TRPC3: variants seen among roughly 807,000 people sequenced by gnomAD.
TRPC3 encodes the protein transient receptor potential cation channel subfamily C member 3.
A neutral mutation model predicts 90.9 loss-of-function variants in TRPC3; 54 were observed. That is an observed-to-expected ratio of 0.59 (90% CI 0.48 to 0.75). TRPC3 has a LOEUF of 0.75. TRPC3 is among the 30% of genes least tolerant of loss of function. The pLI is 0.00. For missense variants in TRPC3, 918 were observed against 1,194.5 expected (o/e 0.77, Z 3.41); for synonymous variants, 424 against 450.9 (o/e 0.94, Z 0.75).
At chr4:121,935,419 G>GGGGT (rs111983914) in intron 1 of TRPC3, among the ~76,000 whole-genome samples, 24 of 147,240 alleles carry the variant, frequency 1.6e-4, no homozygotes, top group African/African-American at 5.0e-4. Flanking sequence ...ACATGTGTGG[G>GGGGT]GTGTGTGTGT....
Position 121,943,186 on chromosome 4 carries a change from T to C in TRPC3, c.215+8280A>G, listed in dbSNP as rs985241765. Among the ~76,000 whole-genome samples the C allele has an allele frequency of 2.5e-3, 372 of 151,818 alleles. 2 individuals carry two copies. Among genetic ancestry groups the C allele is most frequent in the East Asian group, 5.2e-3 (27 of 5,164 alleles). On this transcript the variant is annotated intron_variant, in intron 1 of 11. Coordinates refer to ENST00000379645, the MANE Select transcript of TRPC3 (RefSeq NM_001130698.2). ...TGAAGACCTAAGGAACAGATAATTT[T>C]CCCCCCCTAGATTACAGAATACCCC...
Position 121,879,866 on chromosome 4 carries a change from T to C in TRPC3, c.2636A>G (p.Glu879Gly). The C allele has an allele frequency of 6.3e-7, 1 of 1,590,124 alleles. No homozygotes were observed. Among genetic ancestry groups the C allele is most frequent in the South Asian group, 1.2e-5 (1 of 85,304 alleles). Residue 879 changes from glutamate (E) to glycine (G), a missense_variant, in exon 12 of 12, where the codon GAA becomes GGA. Physicochemically the swap from Glu to Gly is moderately conservative, Grantham distance 98. This residue lies in a region of TRPC3 where 41 missense variants were observed against 69.4 expected (regional missense o/e 0.59). Coordinates refer to ENST00000379645, the MANE Select transcript of TRPC3 (RefSeq NM_001130698.2). The stretch of plus-strand genomic sequence containing the variant: ...AAGGCTGGAGATATCTTGCTTGATT[T>C]CTTTTAATTCACCTATAGTATTGAT... ...NDEVNEGELK[E>G]IKQDISSLRY...
chr4:121,908,004 T>A (rs1402426186), intron 6 of TRPC3, among the ~76,000 whole-genome samples: 1 of 152,126 alleles, frequency 6.6e-6, no homozygotes, highest in African/African-American at 2.4e-5. Flanking sequence ...AATTAGTTCA[T>A]CCAACAATTC....
intron 3 of TRPC3, among the ~76,000 whole-genome samples, chr4:121,921,909 G>GTTT (rs1201010547): frequency 8.4e-6 from 1 of 119,604 alleles, no homozygotes; most frequent in African/African-American, 2.8e-5. Context: ...TGTTTTTTGG[G>GTTT]TTTTTTTTTG....
At chr4:121,930,669 CA>C (rs1472615321) in intron 2 of TRPC3, 1 of 261,588 alleles carries the variant, frequency 3.8e-6, no homozygotes, top group Non-Finnish European at 7.5e-6. Context: ...TGTGTAAAAA[CA>C]AGATTTGTGT....
intron 7 of TRPC3, 133 bp from the exon 8 acceptor site, chr4:121,904,650 A>T: frequency 7.5e-6 from 4 of 534,818 alleles, no homozygotes; most frequent in Non-Finnish European, 1.2e-5. Context: ...CAAGAGCAGG[A>T]TTACTTTGTT....
chr4:121,902,458 A>G (rs1728736455), intron 9 of TRPC3, among the ~76,000 whole-genome samples: 1 of 151,702 alleles, frequency 6.6e-6, no homozygotes, highest in South Asian at 2.1e-4. Context: ...ACAAAAAAGG[A>G]GAATATGGTG....
intron 9 of TRPC3, among the ~76,000 whole-genome samples, chr4:121,901,600 A>G (rs1243126029): frequency 6.6e-6 from 1 of 152,238 alleles, no homozygotes; most frequent in Non-Finnish European, 1.5e-5. Context: ...AGCACTTTGT[A>G]AACTGTGAAT....
At position 121,877,884 on chromosome 4, in the gene TRPC3, A is replaced by C. The variant is rs1316392173; in HGVS notation, c.*1852T>G. ...TTCAGATTCCAAGAATCTTAGGCTG[A>C]ATGTCCCCAGCTGAATCTGCCACTT... On this transcript the variant is annotated 3_prime_UTR_variant, in exon 12 of 12. Transcript: ENST00000379645. Among the ~76,000 whole-genome samples, 2 of 151,986 alleles carry C rather than the reference A, an allele frequency of 1.3e-5. No homozygotes were observed. Among genetic ancestry groups the C allele is most frequent in the Non-Finnish European group, 2.9e-5 (2 of 68,024 alleles).
At chr4:121,948,742 C>T (rs1411688004) in intron 1 of TRPC3, among the ~76,000 whole-genome samples, 1 of 152,056 alleles carries the variant, frequency 6.6e-6, no homozygotes. Context: ...GCTTCTTGTC[C>T]TATCTATCCT....
rs1436547401 is a variant in TRPC3, at chr4:121,879,794, G to A, written c.2708C>T (p.Ala903Val). Residue 903 changes from alanine (A) to valine (V), a missense_variant, in exon 12 of 12, where the codon GCC (alanine) becomes GTC (valine). Ala to Val is a moderately conservative substitution (Grantham distance 64). This residue lies in a region of TRPC3 where 41 missense variants were observed against 69.4 expected (regional missense o/e 0.59). Transcript: ENST00000379645. ...EDKSQATEEL[A>V]ILIHKLSEKL... ...CTCACTAAGTTTATGAATTAGAATG[G>A]CTAATTCCTCAGTTGCTTGGCTCTT... 1.2e-6 allele frequency: 2 copies of A among 1,607,518 alleles called. No homozygotes were observed. The highest frequency in any genetic ancestry group is 1.7e-6 in the Non-Finnish European group (2 of 1,177,474).
In TRPC3 at chr4:121,912,150, A is replaced by C. The variant is rs530037866; in HGVS notation, c.1342-57T>G. The C allele has an allele frequency of 2.1e-4, 311 of 1,479,482 alleles. 5 individuals are homozygous for C. The South Asian group carries it at 3.3e-3, about 16-fold the overall frequency. The allele number at this position is 1,479,482 out of a possible 1,614,324, so 91.6% of individuals were successfully genotyped here. On this transcript the variant is annotated intron_variant, in intron 4 of 11. Coordinates refer to ENST00000379645, the MANE Select transcript of TRPC3 (RefSeq NM_001130698.2). ...CAGAAAATCTGGCTTTCACTTGTGG[A>C]GATTACAACATAGGATTAAAAAAAA...
chr4:121,894,200 T>C (rs1578605385), intron 10 of TRPC3, among the ~76,000 whole-genome samples: 1 of 152,056 alleles, frequency 6.6e-6, no homozygotes, highest in Non-Finnish European at 1.5e-5. Context: ...AGTATAACCA[T>C]ATGATGGAAT....
At chr4:121,911,836 C>A (rs761142790) in intron 5 of TRPC3, 41 bp downstream of exon 5, 1 of 1,530,428 alleles carries the variant, frequency 6.5e-7, no homozygotes, top group Admixed American at 1.9e-5. Context: ...TCTATAATTA[C>A]CTTTTGGTAG....
At position 121,951,459 on chromosome 4, in the gene TRPC3, T is replaced by G; in HGVS notation, c.215+7A>C. On this transcript the variant is annotated splice_region_variant and intron_variant, in intron 1 of 11. Transcript: ENST00000379645. The surrounding 1 kb of genome is among the most constrained non-coding windows in gnomAD (Gnocchi z 4.4). ...AGGCGCGGGCCGCGGCCGGGCCCGG[T>G]ACTCACAGGTCCGGCCCGTGGGAGA... is the stretch of plus-strand genomic sequence containing the variant. The G allele has an allele frequency of 8.1e-7, 1 of 1,238,110 alleles. No homozygotes were observed. Among genetic ancestry groups the G allele is most frequent in the South Asian group, 3.1e-5 (1 of 32,158 alleles). 76.7% of individuals were successfully genotyped at this position (1,238,110 alleles called of 1,614,324 possible).
At chr4:121,886,129 A>G (rs965283165) in intron 10 of TRPC3, among the ~76,000 whole-genome samples, 1 of 152,160 alleles carries the variant, frequency 6.6e-6, no homozygotes, top group Non-Finnish European at 1.5e-5. Context: ...GTGGTTGGGT[A>G]GCTGCGGGGT....
At chr4:121,910,465 G>A in intron 5 of TRPC3, 78 bp from the exon 6 acceptor site, 1 of 1,121,042 alleles carries the variant, frequency 8.9e-7, no homozygotes, top group East Asian at 2.4e-5. Context: ...CCACCATCAG[G>A]TCACATCTCT....
intron 1 of TRPC3, among the ~76,000 whole-genome samples, chr4:121,934,035 G>T (rs1297544045): frequency 6.6e-6 from 1 of 152,166 alleles, no homozygotes; most frequent in Non-Finnish European, 1.5e-5. Flanking sequence ...AAGCAACTGG[G>T]CACTAATTGT....
chr4:121,880,006 T>A, intron 11 of TRPC3, 128 bp from the exon 12 acceptor site: 1 of 815,296 alleles, frequency 1.2e-6, no homozygotes, highest in African/African-American at 1.8e-5. Flanking sequence ...CTTCAAAGTT[T>A]TTTCTTTAAA....
Sources: gnomAD v4.1 joint callset for allele counts (sites outside exome capture counted in the v4.1 genomes callset) on GRCh38, gnomAD v4.1.1 for gene constraint, gnomAD v4.1.1 regional missense constraint, Gnocchi (gnomAD v3.1) non-coding constraint, MANE v1.5 for transcripts, NCBI Gene and HGNC (gene_info 2026-07-23, HGNC 2026-07-21) for gene names.